ALDH18A1: variants seen among roughly 807,000 people sequenced by gnomAD.
The protein encoded by ALDH18A1 is aldehyde dehydrogenase 18 family member A1, also known as delta-1-pyrroline-5-carboxylate synthase.
ALDH18A1 carries 44 observed loss-of-function variants against 88.8 expected under a neutral mutation model. The observed-to-expected ratio is 0.50, with a 90% CI of 0.39 to 0.64. The LOEUF is 0.64. ALDH18A1 is among the 30% of genes least tolerant of loss of function. The pLI is 0.00. For missense variants in ALDH18A1, 782 were observed against 1,009.5 expected, an observed-to-expected ratio of 0.77 and a Z score of 3.05; for synonymous variants, 331 against 372.1, an observed-to-expected ratio of 0.89 and a Z score of 1.27.
At chr10:95,609,531 G>T (rs181628298) in intron 17 of ALDH18A1, among the ~76,000 whole-genome samples, 8 of 152,332 alleles carry the variant, frequency 5.3e-5, no homozygotes, top group Middle Eastern at 3.4e-3. Flanking sequence ...GGTTGCCCAC[G>T]CTGTAGCGGG....
chr10:95,609,769 A>AGTTTTTTTTTT (rs2097829713), intron 17 of ALDH18A1, among the ~76,000 whole-genome samples: 1 of 114,266 alleles, frequency 8.8e-6, no homozygotes, highest in African/African-American at 3.4e-5. Flanking sequence ...GTCTGTCTCT[A>AGTTTTTTTTTT]TTTTTTTTTT....
chr10:95,610,103 G>T, intron 17 of ALDH18A1, 94 bp downstream of exon 17: 1 of 1,207,790 alleles, frequency 8.3e-7, no homozygotes, highest in Non-Finnish European at 1.2e-6. Context: ...GCATGTGACA[G>T]TCAAGGGGAG....
intron 12 of ALDH18A1, among the ~76,000 whole-genome samples, chr10:95,618,730 C>T (rs2097847746): frequency 6.6e-6 from 1 of 152,190 alleles, no homozygotes; most frequent in Non-Finnish European, 1.5e-5. Flanking sequence ...TGGGCCAAGC[C>T]AGTTATTCAT....
chr10:95,612,640 A>G (rs1039634524), intron 15 of ALDH18A1, among the ~76,000 whole-genome samples: 3 of 152,110 alleles, frequency 2.0e-5, no homozygotes, highest in South Asian at 2.1e-4. Flanking sequence ...ACAGTGACTC[A>G]TTTTGATTTG....
chr10:95,637,967 AAACAACAACAACAACAACAACAAC>A (rs140422812), intron 3 of ALDH18A1, among the ~76,000 whole-genome samples: 2,226 of 150,302 alleles, frequency 0.015, 56 homozygotes, highest in African/African-American at 0.052. Context: ...GCTGTCTCAA[AAACAACAACAACAACAACAACAAC>A]AACAACAACA....
At chr10:95,642,344 C>T (rs974739635) in intron 3 of ALDH18A1, among the ~76,000 whole-genome samples, 8 of 152,114 alleles carry the variant, frequency 5.3e-5, no homozygotes, top group African/African-American at 1.9e-4. Flanking sequence ...TGGCCTCTTG[C>T]AGAAAAAGTT....
In ALDH18A1 at chr10:95,609,499, C is replaced by A. The variant is rs993216014; in HGVS notation, c.2206+698G>T. 4.6e-5 allele frequency among the ~76,000 whole-genome samples: 7 copies of A among 152,316 alleles called. No homozygotes were observed. In the South Asian group the frequency reaches 1.5e-3, roughly 32 times the overall value. Reference sequence around the variant, plus strand: ...GACACAGCATGTACCTCTGGCGCAGCCTGTGTAAAAAGGCAGGCTGTGGTT... The same window carrying A: ...GACACAGCATGTACCTCTGGCGCAGACTGTGTAAAAAGGCAGGCTGTGGTT... On this transcript the variant is annotated intron_variant, in intron 17 of 17. Transcript: ENST00000371224.
rs1338415990 is a variant in ALDH18A1, at chr10:95,611,388, C to T, written c.1978G>A (p.Glu660Lys). Residue 660 changes from glutamate to lysine, a missense_variant, in exon 16 of 18, where the codon GAA (glutamate) becomes AAA (lysine). Physicochemically the swap from Glu to Lys is moderately conservative, Grantham distance 56. Coordinates refer to ENST00000371224, the MANE Select transcript of ALDH18A1 (RefSeq NM_002860.4). ...FASYLTFSPS[E>K]VKSLRTEYGD... Reference sequence around the variant, plus strand: ...TACTCAGTTCGGAGTGACTTCACTTCGGAGGGGCTGAAGGTCAGATAGGAG... The same window carrying T: ...TACTCAGTTCGGAGTGACTTCACTTTGGAGGGGCTGAAGGTCAGATAGGAG... The T allele has an allele frequency of 6.2e-7, 1 of 1,614,046 alleles. No individual in the cohort carries two copies. Among genetic ancestry groups the T allele is most frequent in the Non-Finnish European group, 8.5e-7 (1 of 1,180,032 alleles).
chr10:95,656,195 CCGCCACCCA>C (rs1453344168), intron 1 of ALDH18A1, among the ~76,000 whole-genome samples: 1 of 152,202 alleles, frequency 6.6e-6, no homozygotes, highest in Non-Finnish European at 1.5e-5. Context: ...GCTGCCACCA[CCGCCACCCA>C]CGCCACCCAC....
At chr10:95,619,727 C>CT (rs1459268688) in intron 12 of ALDH18A1, among the ~76,000 whole-genome samples, 5 of 152,186 alleles carry the variant, frequency 3.3e-5, no homozygotes, top group Admixed American at 3.3e-4. Context: ...GGAAAACTGG[C>CT]TAGCCATATG....
At position 95,607,401 on chromosome 10, in the gene ALDH18A1, C is replaced by A. The variant is rs541555725; in HGVS notation, c.2207-458G>T. On this transcript the variant is annotated intron_variant, in intron 17 of 17. Transcript: ENST00000371224. ...GTCTTAGCACAAGGGACTCATTAGA[C>A]AGTTACTGAATACATCAAAGGGTTA... 3.9e-5 allele frequency among the ~76,000 whole-genome samples: 6 copies of A among 152,300 alleles called. No homozygotes were observed. In the South Asian group the frequency reaches 1.2e-3, roughly 32 times the overall value.
intron 2 of ALDH18A1, among the ~76,000 whole-genome samples, chr10:95,646,990 T>C (rs1291623331): frequency 6.6e-6 from 1 of 152,210 alleles, no homozygotes; most frequent in African/African-American, 2.4e-5. Flanking sequence ...ACTACTCTTT[T>C]TCTCTCTGGC....
chr10:95,611,297 T>C lies in ALDH18A1; in HGVS notation c.2069A>G (p.Lys690Arg). Residue 690 changes from lysine to arginine, a missense_variant, in exon 16 of 18, where the codon AAG becomes AGG. Around this residue, in one of 3 missense-constraint regions of ALDH18A1, gnomAD observed 556 missense variants for 654.5 expected, o/e 0.85. Transcript: ENST00000371224. ...GACATCCGTGTGGGAGCTGCCATAC[T>C]TGTGGATGTGGTCAATGGCATCCTG... ...NVQDAIDHIH[K>R]YGSSHTDVIV... The C allele has an allele frequency of 6.2e-7, 1 of 1,614,194 alleles. No homozygotes were observed. The highest frequency in any genetic ancestry group is 1.3e-5 in the African/African-American group (1 of 75,048).
intron 7 of ALDH18A1, among the ~76,000 whole-genome samples, chr10:95,631,335 C>CA (rs1256249695): frequency 2.0e-5 from 3 of 151,626 alleles, no homozygotes; most frequent in African/African-American, 4.8e-5. Flanking sequence ...AAAACAAAAA[C>CA]AAAAAAAATC....
chr10:95,645,578 A>G (rs1225396116), intron 2 of ALDH18A1, among the ~76,000 whole-genome samples: 1 of 152,202 alleles, frequency 6.6e-6, no homozygotes, highest in Non-Finnish European at 1.5e-5. Flanking sequence ...TCACACACAT[A>G]TCTTAGAAAG....
chr10:95,655,678 G>T (rs1474193214), intron 1 of ALDH18A1, among the ~76,000 whole-genome samples: 1 of 52,216 alleles, frequency 1.9e-5, no homozygotes, highest in Non-Finnish European at 5.9e-5. Context: ...AAGGAGCAAA[G>T]AGAGTGTGTG....
intron 7 of ALDH18A1, among the ~76,000 whole-genome samples, chr10:95,632,536 C>A (rs1170253272): frequency 1.3e-5 from 2 of 152,124 alleles, no homozygotes; most frequent in East Asian, 3.9e-4. Context: ...GCTGACTTTT[C>A]TATTTTTTGT....
chr10:95,634,391 G>A (rs1418852391), intron 5 of ALDH18A1, among the ~76,000 whole-genome samples: 1 of 152,122 alleles, frequency 6.6e-6, no homozygotes, highest in African/African-American at 2.4e-5. Flanking sequence ...GATGCACACC[G>A]CTGTGCCCCA....
chr10:95,642,194 A>G lies in ALDH18A1; in HGVS notation c.303+798T>C, dbSNP rs1175905111. ...ATTTTTACTTTTGGCCAAATCTGGC[A>G]TGCTGCTGGTTTTTGTAAATGAAAT... On this transcript the variant is annotated intron_variant, in intron 3 of 17. Transcript: ENST00000371224. Among the ~76,000 whole-genome samples the G allele has an allele frequency of 3.9e-5, 6 of 152,214 alleles. No individual in the cohort carries two copies. In the East Asian group the frequency reaches 1.2e-3, roughly 29 times the overall value.
Sources: allele counts gnomAD v4.1 joint callset (sites outside exome capture counted in the v4.1 genomes callset), GRCh38; gene constraint gnomAD v4.1.1; regional missense constraint gnomAD v4.1.1; transcripts MANE v1.5; gene names NCBI Gene and HGNC (gene_info 2026-07-23, HGNC 2026-07-21).